Variants in NAALADL2 observed in about 807,000 individuals in gnomAD.
NAALADL2 encodes the protein N-acetylated alpha-linked acidic dipeptidase like 2.
Under a neutral mutation model 87.2 loss-of-function variants are expected in NAALADL2, and 76 were observed. The observed-to-expected ratio is 0.87, with a 90% CI of 0.72 to 1.05. NAALADL2 has a LOEUF of 1.05. NAALADL2 is among the 50% of genes least tolerant of loss of function. The probability of loss-of-function intolerance (pLI) is 0.00; values close to 1 mark genes in which losing one functional copy is unlikely to be tolerated. For synonymous variants in NAALADL2, 354 were observed against 331.0 expected (o/e 1.07, Z -0.75); for missense variants, 1,089 against 945.8 (o/e 1.15, Z -1.99).
chr3:175,648,622 G>A (rs1457606859), intron 11 of NAALADL2, among the ~76,000 whole-genome samples: 1 of 151,808 alleles, frequency 6.6e-6, no homozygotes, highest in African/African-American at 2.4e-5. Flanking sequence ...TGCTTCCAGA[G>A]CTTTCAGCTT....
chr3:174,649,369 CCTT>C (rs1430339596), intron 2 of NAALADL2, among the ~76,000 whole-genome samples: 3 of 152,016 alleles, frequency 2.0e-5, no homozygotes, highest in Admixed American at 1.3e-4. Flanking sequence ...TTGTAGTTGT[CCTT>C]CTTTCTGATT....
At chr3:174,518,427 AT>A (rs1372579609) in intron 1 of NAALADL2, among the ~76,000 whole-genome samples, 2 of 152,242 alleles carry the variant, frequency 1.3e-5, no homozygotes, top group African/African-American at 4.8e-5. Context: ...TTTTAAACTC[AT>A]CTTTTAGCTG....
chr3:175,047,659 A>G (rs1167469143), intron 1 of NAALADL2, among the ~76,000 whole-genome samples: 3 of 152,200 alleles, frequency 2.0e-5, no homozygotes, highest in Non-Finnish European at 4.4e-5. Context: ...ACGGTTTTAG[A>G]TGAAATTTTA....
intron 1 of NAALADL2, among the ~76,000 whole-genome samples, chr3:174,882,681 ATG>A (rs1451150599): frequency 6.8e-6 from 1 of 147,532 alleles, no homozygotes; most frequent in Non-Finnish European, 1.5e-5. Flanking sequence ...ATATGTGTAT[ATG>A]TGTATCCGTG....
At chr3:174,474,863 G>A (rs1321223264) in intron 1 of NAALADL2, among the ~76,000 whole-genome samples, 1 of 152,086 alleles carries the variant, frequency 6.6e-6, no homozygotes, top group Admixed American at 6.6e-5. Flanking sequence ...TAAGTGCCTA[G>A]CAGTTTATTC....
At chr3:174,755,733 G>A (rs1282927271) in intron 3 of NAALADL2, among the ~76,000 whole-genome samples, 1 of 152,092 alleles carries the variant, frequency 6.6e-6, no homozygotes, top group Non-Finnish European at 1.5e-5. Context: ...GTTCATCCTT[G>A]ACTTCAATAA....
chr3:175,119,677 T>G (rs1725819226), intron 2 of NAALADL2, among the ~76,000 whole-genome samples: 1 of 71,338 alleles, frequency 1.4e-5, no homozygotes, highest in Non-Finnish European at 3.0e-5. Context: ...GAGGAGTCAC[T>G]TAGTAAGGTG....
At chr3:175,760,146 G>A (rs529860181) in intron 13 of NAALADL2, among the ~76,000 whole-genome samples, 1 of 152,280 alleles carries the variant, frequency 6.6e-6, no homozygotes, top group Admixed American at 6.5e-5. Context: ...TAGTGATTGT[G>A]TGGCTCTAAG....
rs1491162200 is a variant in NAALADL2 at position 175,809,510 on chromosome 3, T to TAAAAAAAAAAAA, written c.*6307_*6308insAAAAAAAAAAAA. On this transcript the variant is annotated 3_prime_UTR_variant, in exon 14 of 14. Transcript: ENST00000454872. Reference sequence around the variant, plus strand: ...GCAACAAAGTGAGACCCTGTCTCTCTTAAAAAAAAAAAAAAAAAAAAAAAA... The same window carrying TAAAAAAAAAAAA: ...GCAACAAAGTGAGACCCTGTCTCTCTAAAAAAAAAAAATAAAAAAAAAAAAAAAAAAAAAAAA... 9.9e-4 allele frequency: 34 copies of TAAAAAAAAAAAA among 34,388 alleles called. 5 individuals carry two copies. Among genetic ancestry groups the TAAAAAAAAAAAA allele is most frequent in the South Asian group, 1.7e-3 (1 of 590 alleles). The allele number at this position is 34,388 out of a possible 1,614,324, so 2.1% of individuals were successfully genotyped here.
intron 4 of NAALADL2, among the ~76,000 whole-genome samples, chr3:175,284,832 T>C (rs1243961878): frequency 6.6e-6 from 1 of 152,146 alleles, no homozygotes; most frequent in Non-Finnish European, 1.5e-5. Context: ...TGGTCTTAGA[T>C]GATTGAATAA....
At chr3:175,627,086 G>T (rs924314495) in intron 10 of NAALADL2, among the ~76,000 whole-genome samples, 1 of 151,688 alleles carries the variant, frequency 6.6e-6, no homozygotes, top group Non-Finnish European at 1.5e-5. Context: ...CAAACAAGAT[G>T]GGACATAACA....
chr3:174,778,187 CTAAGTT>C (rs1317432303), intron 3 of NAALADL2, among the ~76,000 whole-genome samples: 1 of 152,056 alleles, frequency 6.6e-6, no homozygotes, highest in African/African-American at 2.4e-5. Flanking sequence ...AGGATGGACT[CTAAGTT>C]TTAAGTGTCC....
At chr3:175,575,555 G>T (rs1162340376) in intron 9 of NAALADL2, among the ~76,000 whole-genome samples, 1 of 152,060 alleles carries the variant, frequency 6.6e-6, no homozygotes, top group African/African-American at 2.4e-5. Flanking sequence ...AAAGTGCTGG[G>T]ATTACAGGGG....
At chr3:175,376,331 C>T (rs1291217857) in intron 5 of NAALADL2, among the ~76,000 whole-genome samples, 6 of 151,868 alleles carry the variant, frequency 4.0e-5, no homozygotes. Flanking sequence ...TTTTATTTTA[C>T]TTCAATTTTT....
At chr3:175,717,075 AC>A (rs2150019619) in intron 11 of NAALADL2, among the ~76,000 whole-genome samples, 1 of 152,276 alleles carries the variant, frequency 6.6e-6, no homozygotes, top group South Asian at 2.1e-4. Context: ...GAATTTGAAT[AC>A]CCACTTAGGG....
At chr3:175,715,797 C>T (rs1004292416) in intron 11 of NAALADL2, among the ~76,000 whole-genome samples, 1 of 152,064 alleles carries the variant, frequency 6.6e-6, no homozygotes, top group Non-Finnish European at 1.5e-5. Flanking sequence ...ATCACTTGAA[C>T]CTGGGAGGCG....
chr3:174,928,332 A>G (rs1471932764), intron 1 of NAALADL2, among the ~76,000 whole-genome samples: 1 of 152,156 alleles, frequency 6.6e-6, no homozygotes, highest in Non-Finnish European at 1.5e-5. Flanking sequence ...CTCTGCCTCC[A>G]GAGTTCAAGC....
At chr3:174,481,485 G>A (rs1018004572) in intron 1 of NAALADL2, among the ~76,000 whole-genome samples, 2 of 151,878 alleles carry the variant, frequency 1.3e-5, no homozygotes, top group African/African-American at 4.8e-5. Flanking sequence ...ATTGCCACGA[G>A]GTTTAGAGGC....
intron 5 of NAALADL2, among the ~76,000 whole-genome samples, chr3:175,361,437 G>A (rs537948944): frequency 1.6e-4 from 23 of 148,182 alleles, no homozygotes; most frequent in Admixed American, 6.2e-4. Context: ...TTGAGGAATC[G>A]CCACACTGAC....
Sources: allele counts gnomAD v4.1 joint callset (sites outside exome capture counted in the v4.1 genomes callset), GRCh38; gene constraint gnomAD v4.1.1; transcripts MANE v1.5; gene names NCBI Gene and HGNC (gene_info 2026-07-23, HGNC 2026-07-21).